C1QTNF7: variants seen among roughly 807,000 people sequenced by gnomAD.
C1QTNF7 encodes complement C1q tumor necrosis factor-related protein 7.
In C1QTNF7, 15 loss-of-function variants were observed where a neutral mutation model predicts 19.6. That is an observed-to-expected ratio of 0.76 (90% CI 0.51 to 1.18). The LOEUF is 1.18. Ranked by LOEUF, C1QTNF7 falls within the 50% of genes most tolerant of loss-of-function variation. The pLI is 0.00. For synonymous variants in C1QTNF7, 142 were observed against 137.5 expected, an observed-to-expected ratio of 1.03 and a Z score of -0.23; for missense variants, 324 against 359.7, an observed-to-expected ratio of 0.90 and a Z score of 0.80.
chr4:15,394,305 A>G (rs7697373), intron 1 of C1QTNF7, among the ~76,000 whole-genome samples: 131,699 of 152,254 alleles, frequency 0.86, 57,042 homozygotes, highest in East Asian at 0.98. Context: ...ATGGAGAGTG[A>G]GCTCTCAAGA....
chr4:15,372,227 C>T (rs182767443), intron 1 of C1QTNF7, among the ~76,000 whole-genome samples: 5 of 152,260 alleles, frequency 3.3e-5, no homozygotes, highest in East Asian at 3.9e-4. Context: ...ACCCCTATTA[C>T]GGCTTTATCA....
intron 1 of C1QTNF7, among the ~76,000 whole-genome samples, chr4:15,415,979 CTGTGAT>C (rs1719591290): frequency 6.6e-6 from 1 of 152,064 alleles, no homozygotes. Context: ...AAATGTTACA[CTGTGAT>C]TAACAGTGTT....
At chr4:15,409,634 G>A (rs1167590900) in intron 1 of C1QTNF7, among the ~76,000 whole-genome samples, 1 of 152,142 alleles carries the variant, frequency 6.6e-6, no homozygotes, top group Non-Finnish European at 1.5e-5. Context: ...CACCAGGAGG[G>A]TCTCGGGCAG....
intron 1 of C1QTNF7, among the ~76,000 whole-genome samples, chr4:15,422,210 TAA>T (rs199592000): frequency 0.078 from 11,112 of 142,798 alleles, 663 homozygotes; most frequent in East Asian, 0.2. Flanking sequence ...TGTTTTTTTT[TAA>T]AAAAAAAAAA....
intron 1 of C1QTNF7, among the ~76,000 whole-genome samples, chr4:15,389,341 G>A (rs779955610): frequency 6.6e-5 from 10 of 152,142 alleles, no homozygotes; most frequent in Non-Finnish European, 1.3e-4. Flanking sequence ...GCAGGAGTGA[G>A]TTGGGGTCTA....
chr4:15,396,454 A>G (rs1167146540), intron 1 of C1QTNF7, among the ~76,000 whole-genome samples: 3 of 152,186 alleles, frequency 2.0e-5, no homozygotes, highest in Non-Finnish European at 4.4e-5. Context: ...CAGCGCTTCC[A>G]GTGTTAATCA....
At chr4:15,346,238 G>A (rs1716714700) in intron 1 of C1QTNF7, among the ~76,000 whole-genome samples, 1 of 152,172 alleles carries the variant, frequency 6.6e-6, no homozygotes, top group African/African-American at 2.4e-5. Context: ...TTTGCCTAGG[G>A]TCAGAGGGTT....
intron 1 of C1QTNF7, among the ~76,000 whole-genome samples, chr4:15,369,653 C>T (rs190592258): frequency 6.6e-6 from 1 of 152,100 alleles, no homozygotes; most frequent in African/African-American, 2.4e-5. Context: ...AACAGCCCAA[C>T]GAATAGCTAA....
At chr4:15,348,198 C>T (rs1388951631) in intron 1 of C1QTNF7, among the ~76,000 whole-genome samples, 2 of 152,038 alleles carry the variant, frequency 1.3e-5, no homozygotes, top group Non-Finnish European at 2.9e-5. Flanking sequence ...AAGAAAAGTA[C>T]AAGCAAAAGG....
At chr4:15,349,673 G>T (rs1716839225) in intron 1 of C1QTNF7, among the ~76,000 whole-genome samples, 1 of 152,152 alleles carries the variant, frequency 6.6e-6, no homozygotes, top group African/African-American at 2.4e-5. Context: ...AGCTCTGGGT[G>T]AAGTACCAAA....
At chr4:15,350,067 AAGGAAGGGAGAG>A (rs1368878555) in intron 1 of C1QTNF7, among the ~76,000 whole-genome samples, 1 of 128,254 alleles carries the variant, frequency 7.8e-6, no homozygotes, top group Non-Finnish European at 1.6e-5. Context: ...GGAAGGGAAG[AAGGAAGGGAGAG>A]AGGAAGGGAG....
At position 15,443,266 on chromosome 4, in the gene C1QTNF7, G is replaced by A. The variant is rs1486734862; in HGVS notation, c.*467G>A. ...TTTTTCAAGCAAGCTACAGAGAAAT[G>A]ATAAATGTTTTTTGTTTTATTATTT... On this transcript the variant is annotated 3_prime_UTR_variant, in exon 3 of 3. Coordinates refer to ENST00000444304, the MANE Select transcript of C1QTNF7 (RefSeq NM_031911.5). 6.5e-6 allele frequency: 1 copy of A among 153,324 alleles called. No homozygotes were observed. The highest frequency in any genetic ancestry group is 2.4e-5 in the African/African-American group (1 of 41,456). The allele number at this position is 153,324 out of a possible 1,614,324, so 9.5% of individuals were successfully genotyped here.
chr4:15,356,170 A>G (rs1201892619), intron 1 of C1QTNF7, among the ~76,000 whole-genome samples: 3 of 152,084 alleles, frequency 2.0e-5, no homozygotes, highest in East Asian at 1.9e-4. Context: ...TTACATAGGT[A>G]TACACGTGCC....
rs1577280224 is a variant in C1QTNF7, at chr4:15,431,437, A to G, written c.-9+3331A>G. Among the ~76,000 whole-genome samples, 4 of 152,354 alleles carry G rather than the reference A, an allele frequency of 2.6e-5. No homozygotes were observed. The South Asian group carries it at 8.3e-4, about 32-fold the overall frequency. ...CAAAGGGAGGTGAAGAAATTGACTT[A>G]TCGTTGCATACTCTTTTTTCTTTTG... On this transcript the variant is annotated intron_variant, in intron 1 of 2. Coordinates refer to ENST00000444304, the MANE Select transcript of C1QTNF7 (RefSeq NM_031911.5).
intron 1 of C1QTNF7, among the ~76,000 whole-genome samples, chr4:15,405,844 T>C (rs537968927): frequency 6.6e-6 from 1 of 152,312 alleles, no homozygotes; most frequent in East Asian, 1.9e-4. Context: ...GCTTCACCTC[T>C]GATACCCCCA....
At chr4:15,374,708 G>A (rs984396150) in intron 1 of C1QTNF7, 12 of 985,212 alleles carry the variant, frequency 1.2e-5, no homozygotes, top group Non-Finnish European at 1.4e-5. Context: ...TTGAGCAAAA[G>A]CTCCACATCT....
intron 1 of C1QTNF7, among the ~76,000 whole-genome samples, chr4:15,380,861 G>GT (rs1316324544): frequency 1.3e-5 from 2 of 151,762 alleles, no homozygotes; most frequent in Non-Finnish European, 2.9e-5. Context: ...CTTGAACCTG[G>GT]TGGGTGGAGG....
chr4:15,360,978 C>A (rs1317664421), intron 1 of C1QTNF7, among the ~76,000 whole-genome samples: 1 of 152,162 alleles, frequency 6.6e-6, no homozygotes, highest in Admixed American at 6.5e-5. Context: ...AACCTCTGTA[C>A]AATTGATTGA....
At chr4:15,433,138 G>C (rs1316136840) in intron 1 of C1QTNF7, among the ~76,000 whole-genome samples, 3 of 152,054 alleles carry the variant, frequency 2.0e-5, no homozygotes, top group African/African-American at 4.8e-5. Flanking sequence ...CAATAGCCTT[G>C]CACCCCATGT....
Sources: gnomAD v4.1 joint callset for allele counts (sites outside exome capture counted in the v4.1 genomes callset) on GRCh38, gnomAD v4.1.1 for gene constraint, MANE v1.5 for transcripts, NCBI Gene and HGNC (gene_info 2026-07-23, HGNC 2026-07-21) for gene names.